The following LEP variants were observed in gnomAD, a reference collection of about 807,000 sequenced individuals.
The protein encoded by LEP is leptin.
In LEP, 6 loss-of-function variants were observed where a neutral mutation model predicts 9.8. The ratio of observed to expected loss-of-function variants is 0.61; its 90% CI spans 0.34 to 1.21. LEP has a LOEUF of 1.21. Among genes scored for constraint, LEP ranks in the 50% most tolerant of loss-of-function variants. The probability of loss-of-function intolerance (pLI) is 0.04; values close to 1 mark genes in which losing one functional copy is unlikely to be tolerated. For synonymous variants in LEP, 112 were observed against 81.7 expected (o/e 1.37, Z -2.00); for missense variants, 134 against 198.1 (o/e 0.68, Z 1.94).
Position 128,253,848 on chromosome 7 carries a change from G to A in LEP, c.145-556G>A, listed in dbSNP as rs561565672. On this transcript the variant is annotated intron_variant, in intron 2 of 2. Coordinates refer to ENST00000308868, the MANE Select transcript of LEP (RefSeq NM_000230.3). Reference sequence around the variant, plus strand: ...TAATACACAATATCACGGGAGCCCCGGGTAGTAACCACGGAGGTGTCAGCC... The same window carrying A: ...TAATACACAATATCACGGGAGCCCCAGGTAGTAACCACGGAGGTGTCAGCC... Among the ~76,000 whole-genome samples the A allele has an allele frequency of 6.6e-5, 10 of 152,356 alleles. 1 individual carries two copies. In the South Asian group the frequency reaches 1.5e-3, roughly 22 times the overall value.
intron 1 of LEP, among the ~76,000 whole-genome samples, chr7:128,243,987 G>A (rs1488405297): frequency 6.6e-6 from 1 of 151,984 alleles, no homozygotes; most frequent in Non-Finnish European, 1.5e-5. Flanking sequence ...CATGGCTCAC[G>A]CATATAATCC....
At chr7:128,245,877 G>A (rs1795204826) in intron 1 of LEP, among the ~76,000 whole-genome samples, 1 of 151,892 alleles carries the variant, frequency 6.6e-6, no homozygotes, top group Non-Finnish European at 1.5e-5. Context: ...GCCTGGCCAA[G>A]ATGGTGAAGC....
Position 128,255,461 on chromosome 7 carries a change from G to A in LEP, c.*698G>A, listed in dbSNP as rs1034540005. On this transcript the variant is annotated 3_prime_UTR_variant, in exon 3 of 3. Coordinates refer to ENST00000308868, the MANE Select transcript of LEP (RefSeq NM_000230.3). ...AGGTGGCTCTCCAGTTAGTTCTCTCGTAACTGGTTTCATTTCTACTGTGAC... is the reference window on the plus strand; with the variant it reads ...AGGTGGCTCTCCAGTTAGTTCTCTCATAACTGGTTTCATTTCTACTGTGAC... 1 of 153,112 alleles carries A rather than the reference G, an allele frequency of 6.5e-6. No homozygotes were observed. The highest frequency in any genetic ancestry group is 1.5e-5 in the Non-Finnish European group (1 of 68,712). The allele number at this position is 153,112 out of a possible 1,614,324, so 9.5% of individuals were successfully genotyped here. A position where few individuals can be genotyped will look rare whatever the true frequency, so the allele number is the denominator to read the frequency against.
chr7:128,256,676 C>T lies in LEP; in HGVS notation c.*1913C>T, dbSNP rs1795344692. 1 of 152,166 alleles carries T rather than the reference C, an allele frequency of 6.6e-6. No homozygotes were observed. The highest frequency in any genetic ancestry group is 2.1e-4 in the South Asian group (1 of 4,828). 9.4% of individuals were successfully genotyped at this position (152,166 alleles called of 1,614,324 possible). On this transcript the variant is annotated 3_prime_UTR_variant, in exon 3 of 3. Coordinates refer to ENST00000308868, the MANE Select transcript of LEP (RefSeq NM_000230.3). Reference sequence around the variant, plus strand: ...TTTACTTTTCAGGGCATCTTAGCTTCTATTATAGCCACATCCCTTTGAAAC... The same window carrying T: ...TTTACTTTTCAGGGCATCTTAGCTTTTATTATAGCCACATCCCTTTGAAAC...
In LEP at chr7:128,254,486, A is replaced by G. The variant is rs1332916395; in HGVS notation, c.227A>G (p.Asp76Gly). The G allele has an allele frequency of 6.2e-7, 1 of 1,614,018 alleles. No individual in the cohort carries two copies. Among genetic ancestry groups the G allele is most frequent in the East Asian group, 2.2e-5 (1 of 44,890 alleles). Residue 76 changes from aspartate to glycine, a missense_variant, in exon 3 of 3, where the codon GAC becomes GGC. Transcript: ENST00000308868. ...CCCATCCTGACCTTATCCAAGATGG[A>G]CCAGACACTGGCAGTCTACCAACAG... ...LHPILTLSKMDQTLAVYQQIL... is the reference protein window; with the variant it reads ...LHPILTLSKMGQTLAVYQQIL...
intron 1 of LEP, among the ~76,000 whole-genome samples, chr7:128,249,489 G>A (rs977502131): frequency 1.3e-5 from 2 of 152,182 alleles, no homozygotes; most frequent in Non-Finnish European, 2.9e-5. Flanking sequence ...CACACGACAG[G>A]TTCCTGAGAG....
At chr7:128,250,713 G>A (rs2116219039) in intron 1 of LEP, among the ~76,000 whole-genome samples, 1 of 152,278 alleles carries the variant, frequency 6.6e-6, no homozygotes. Flanking sequence ...TCTATGGACA[G>A]AAAATGTATT....
Position 128,254,865 on chromosome 7 carries a change from C to A in LEP, c.*102C>A. On this transcript the variant is annotated 3_prime_UTR_variant, in exon 3 of 3. Coordinates refer to ENST00000308868, the MANE Select transcript of LEP (RefSeq NM_000230.3). The stretch of plus-strand genomic sequence containing the variant: ...AGAGCATTGCATGGACACCCCTTAT[C>A]CAGGACTCTGTCAATTTCCCTGACT... 1 of 1,305,550 alleles carries A rather than the reference C, an allele frequency of 7.7e-7. No homozygotes were observed. Among genetic ancestry groups the A allele is most frequent in the East Asian group, 2.4e-5 (1 of 42,014 alleles). The allele number at this position is 1,305,550 out of a possible 1,614,324, so 80.9% of individuals were successfully genotyped here. A position where few individuals can be genotyped will look rare whatever the true frequency, so the allele number is the denominator to read the frequency against.
intron 1 of LEP, among the ~76,000 whole-genome samples, chr7:128,244,235 A>G (rs113277332): frequency 0.024 from 3,151 of 132,806 alleles, 94 homozygotes; most frequent in South Asian, 0.076. Context: ...TGAGTGACAG[A>G]GCAAGACCCT....
intron 1 of LEP, among the ~76,000 whole-genome samples, chr7:128,245,056 CTG>C (rs1293653141): frequency 2.0e-5 from 3 of 151,660 alleles, no homozygotes; most frequent in South Asian, 2.1e-4. Flanking sequence ...GTGTGTGTGT[CTG>C]TGTGTGTGTA....
intron 1 of LEP, among the ~76,000 whole-genome samples, chr7:128,251,749 T>TA (rs1239600852): frequency 1.3e-5 from 2 of 152,236 alleles, no homozygotes; most frequent in African/African-American, 4.8e-5. Context: ...GCCTCACAGC[T>TA]CTGTGGTCTA....
chr7:128,250,702 A>G (rs1003544001), intron 1 of LEP, among the ~76,000 whole-genome samples: 2 of 152,204 alleles, frequency 1.3e-5, no homozygotes, highest in Admixed American at 6.5e-5. Flanking sequence ...TAATATTGCC[A>G]TCTATGGACA....
At chr7:128,247,317 TCAC>T (rs1424454656) in intron 1 of LEP, among the ~76,000 whole-genome samples, 2 of 152,136 alleles carry the variant, frequency 1.3e-5, no homozygotes, top group Non-Finnish European at 2.9e-5. Flanking sequence ...CTGGGCAGGC[TCAC>T]CAGCATGTCC....
chr7:128,252,513 C>T (rs1232549682), intron 2 of LEP, among the ~76,000 whole-genome samples: 2 of 152,090 alleles, frequency 1.3e-5, no homozygotes, highest in Non-Finnish European at 2.9e-5. Flanking sequence ...GAGGATCATT[C>T]GAGCCCAAGA....
chr7:128,252,232 C>G (rs1298102101), intron 2 of LEP, 70 bp downstream of exon 2: 6 of 1,537,178 alleles, frequency 3.9e-6, no homozygotes, highest in South Asian at 2.2e-5. Context: ...GGCACTGGAC[C>G]CAGATAGTCC....
intron 2 of LEP, among the ~76,000 whole-genome samples, chr7:128,253,969 T>C (rs549572152): frequency 6.7e-6 from 1 of 148,554 alleles, no homozygotes; most frequent in East Asian, 2.0e-4. Flanking sequence ...CCTTGATCTC[T>C]AAGGAGGAGG....
chr7:128,252,311 C>T, intron 2 of LEP, 149 bp downstream of exon 2: 1 of 887,960 alleles, frequency 1.1e-6, no homozygotes, highest in Non-Finnish European at 1.8e-6. Flanking sequence ...TTTGAAAGCA[C>T]AGGGCTCCAC....
At chr7:128,246,400 A>G (rs1713999987) in intron 1 of LEP, among the ~76,000 whole-genome samples, 1 of 152,180 alleles carries the variant, frequency 6.6e-6, no homozygotes, top group South Asian at 2.1e-4. Flanking sequence ...GGTGGATGGC[A>G]CATTATATAA....
chr7:128,242,757 G>T (rs758727759), intron 1 of LEP, among the ~76,000 whole-genome samples: 8 of 152,214 alleles, frequency 5.3e-5, no homozygotes, highest in Non-Finnish European at 1.0e-4. Flanking sequence ...AGCCAGGGAA[G>T]TTGCAATGAA....
Sources: gnomAD v4.1 joint callset for allele counts (sites outside exome capture counted in the v4.1 genomes callset) on GRCh38, gnomAD v4.1.1 for gene constraint, MANE v1.5 for transcripts, NCBI Gene and HGNC (gene_info 2026-07-23, HGNC 2026-07-21) for gene names.